The following PPP2R2B variants were observed in gnomAD, a reference collection of about 807,000 sequenced individuals.
PPP2R2B encodes the protein protein phosphatase 2 regulatory subunit Bbeta.
A neutral mutation model predicts 46.0 loss-of-function variants in PPP2R2B; 5 were observed. The ratio of observed to expected loss-of-function variants is 0.11; its 90% CI spans 0.06 to 0.23. PPP2R2B has a LOEUF of 0.23. Among genes scored for constraint, PPP2R2B ranks in the 10% least tolerant of loss-of-function variants. The pLI, the probability that PPP2R2B is intolerant of heterozygous loss-of-function variation, is 1.00. For missense variants in PPP2R2B, 367 were observed against 575.0 expected (o/e 0.64, Z 3.70); for synonymous variants, 215 against 206.7 (o/e 1.04, Z -0.34).
Position 146,698,103 on chromosome 5 carries a change from G to A in PPP2R2B, c.210C>T (p.Tyr70=). 1.9e-6 allele frequency: 3 copies of A among 1,609,892 alleles called. No individual in the cohort carries two copies. Among genetic ancestry groups the A allele is most frequent in the African/African-American group, 1.3e-5 (1 of 74,284 alleles). ...QVHRRGEYNV[Y]STFQSHEPEF... ...CGGGTTCATGGCTCTGGAATGTGCT[G>A]TAAACATTGTATTCACCCCTACGAT... is the stretch of plus-strand genomic sequence containing the variant. The change falls in exon 4 of 10, where the codon TAC becomes TAT. Residue 70 remains tyrosine, a synonymous_variant. Transcript: ENST00000394411.
chr5:146,706,627 C>T lies in PPP2R2B; in HGVS notation c.71-5485G>A, dbSNP rs879913528. On this transcript the variant is annotated intron_variant, in intron 2 of 9. Transcript: ENST00000394411. ...CTGCGCTGCTCCGCATCTGCGATGC[C>T]GGCCTCCAGGGAAATCCTCCCGCCT... 1.4e-4 allele frequency: 112 copies of T among 809,474 alleles called. 2 individuals carry two copies. Among genetic ancestry groups the T allele is most frequent in the Admixed American group, 6.5e-4 (36 of 55,582 alleles). The allele number at this position is 809,474 out of a possible 1,614,324, so 50.1% of individuals were successfully genotyped here.
intron 1 of PPP2R2B, among the ~76,000 whole-genome samples, chr5:146,949,416 G>T (rs955825725): frequency 1.3e-5 from 2 of 152,034 alleles, no homozygotes; most frequent in African/African-American, 4.8e-5. Context: ...CAATGTCATT[G>T]ATCATCTGAG....
At chr5:146,689,234 CACA>C (rs1240629093) in intron 5 of PPP2R2B, among the ~76,000 whole-genome samples, 6 of 152,136 alleles carry the variant, frequency 3.9e-5, no homozygotes, top group African/African-American at 1.2e-4. Context: ...ATTGAATCCT[CACA>C]ACAATTCCAG....
chr5:146,891,502 T>C (rs992832568), intron 1 of PPP2R2B, among the ~76,000 whole-genome samples: 8 of 152,234 alleles, frequency 5.3e-5, no homozygotes, highest in African/African-American at 1.9e-4. Context: ...TTAATTTTTT[T>C]TAAGTTAACT....
At chr5:146,733,767 T>C (rs1046539902) in intron 2 of PPP2R2B, among the ~76,000 whole-genome samples, 1 of 152,180 alleles carries the variant, frequency 6.6e-6, no homozygotes, top group South Asian at 2.1e-4. Context: ...CTATAATTAC[T>C]ATCATGGGTG....
rs147312522 is a variant in PPP2R2B at position 146,687,650 on chromosome 5, GT to G, written c.447+3477del. On this transcript the variant is annotated intron_variant, in intron 5 of 9. Transcript: ENST00000394411. ...ATTATTACCATGATTATTGCTTTAT[GT>G]TAAGTTATGATATTGAGCAGGGGAT... is the stretch of plus-strand genomic sequence containing the variant. 6.0e-3 allele frequency among the ~76,000 whole-genome samples: 916 copies of G among 152,218 alleles called. 4 individuals are homozygous for G. The highest frequency in any genetic ancestry group is 0.02 in the African/African-American group (840 of 41,524).
intron 2 of PPP2R2B, among the ~76,000 whole-genome samples, chr5:146,875,678 T>G (rs1761857044): frequency 6.6e-6 from 1 of 151,894 alleles, no homozygotes; most frequent in South Asian, 2.1e-4. Context: ...AGGAGGAAAA[T>G]GTAGAAATAG....
chr5:146,792,803 G>A (rs956912958), intron 2 of PPP2R2B, among the ~76,000 whole-genome samples: 9 of 152,196 alleles, frequency 5.9e-5, no homozygotes, highest in African/African-American at 1.9e-4. Flanking sequence ...CAGGCAGAAA[G>A]CAGTAGGAAG....
At chr5:146,877,618 G>T (rs1582338092) in intron 2 of PPP2R2B, among the ~76,000 whole-genome samples, 1 of 151,946 alleles carries the variant, frequency 6.6e-6, no homozygotes, top group African/African-American at 2.4e-5. Flanking sequence ...ACATCGTTTC[G>T]CTCAGGGAGG....
rs1026575961 is a variant in PPP2R2B at position 146,993,280 on chromosome 5, T to A, written c.79+62385A>T. Among the ~76,000 whole-genome samples the A allele has an allele frequency of 4.0e-5, 6 of 150,698 alleles. No individual in the cohort carries two copies. The East Asian group carries it at 1.2e-3, about 30-fold the overall frequency. On this transcript the variant is annotated intron_variant, in intron 1 of 8. Coordinates refer to the PPP2R2B transcript ENST00000336640. Reference sequence around the variant, plus strand: ...TTTTTTGAGACAGGGTCTCGCACTATCACCCAGGCTAGAGTGCAGTGACAC... The same window carrying A: ...TTTTTTGAGACAGGGTCTCGCACTAACACCCAGGCTAGAGTGCAGTGACAC...
At chr5:147,055,808 G>C in exon 1 of PPP2R2B, 1 of 1,545,190 alleles carries the variant, frequency 6.5e-7, no homozygotes, top group Non-Finnish European at 8.7e-7. Context: ...GGATTCTCTC[G>C]GCCTTTTAAG....
chr5:146,854,953 A>G (rs963928465), intron 2 of PPP2R2B, among the ~76,000 whole-genome samples: 1 of 152,202 alleles, frequency 6.6e-6, no homozygotes, highest in Admixed American at 6.5e-5. Context: ...ACAAGTCGTA[A>G]AATTTGACCA....
At chr5:147,049,633 G>A (rs565443941) in intron 1 of PPP2R2B, among the ~76,000 whole-genome samples, 1 of 152,282 alleles carries the variant, frequency 6.6e-6, no homozygotes, top group East Asian at 1.9e-4. Flanking sequence ...GAAGCAGCAG[G>A]GAGTCTGAGA....
At chr5:146,807,800 T>C (rs1308363818) in intron 2 of PPP2R2B, among the ~76,000 whole-genome samples, 2 of 106,398 alleles carry the variant, frequency 1.9e-5, no homozygotes, top group African/African-American at 8.1e-5. Flanking sequence ...TTTTTTTTTT[T>C]TTTTTTTTTT....
At chr5:146,892,119 A>G (rs1762508585) in intron 1 of PPP2R2B, among the ~76,000 whole-genome samples, 1 of 152,184 alleles carries the variant, frequency 6.6e-6, no homozygotes, top group Non-Finnish European at 1.5e-5. Flanking sequence ...TACTTTTTCA[A>G]CCTATGCAAA....
At chr5:146,763,435 C>A (rs892935584) in intron 2 of PPP2R2B, among the ~76,000 whole-genome samples, 2 of 152,074 alleles carry the variant, frequency 1.3e-5, no homozygotes, top group African/African-American at 4.8e-5. Context: ...ATAATCTTAC[C>A]CAAGAGTGGT....
intron 2 of PPP2R2B, among the ~76,000 whole-genome samples, chr5:147,071,229 T>A (rs1301559930): frequency 1.3e-5 from 2 of 152,226 alleles, no homozygotes; most frequent in African/African-American, 4.8e-5. Flanking sequence ...ATCTGAGTCC[T>A]CTATGCTGTG....
At chr5:147,075,262 C>T (rs1480150) in intron 2 of PPP2R2B, among the ~76,000 whole-genome samples, 98,701 of 151,942 alleles carry the variant, frequency 0.65, 32,385 homozygotes, top group Middle Eastern at 0.75. Flanking sequence ...GCATTGCACA[C>T]GGTAAATCAG....
rs868773416 is a variant in PPP2R2B, at chr5:146,791,337, G to A, written c.70+86665C>T. Among the ~76,000 whole-genome samples the A allele has an allele frequency of 2.6e-5, 4 of 151,664 alleles. No individual in the cohort carries two copies. In the East Asian group the frequency reaches 5.8e-4, roughly 22 times the overall value. On this transcript the variant is annotated intron_variant, in intron 2 of 9. Coordinates refer to ENST00000394411, the MANE Select transcript of PPP2R2B (RefSeq NM_181675.4). The stretch of plus-strand genomic sequence containing the variant: ...CTGCTTCTTATAACTCTTCAGTGTC[G>A]ATCCCCCCTTTTTCTATTAAGAAAA...
Sources: allele counts gnomAD v4.1 joint callset (sites outside exome capture counted in the v4.1 genomes callset), GRCh38; gene constraint gnomAD v4.1.1; transcripts MANE v1.5; gene names NCBI Gene and HGNC (gene_info 2026-07-23, HGNC 2026-07-21).